Variants in MUSK observed in about 807,000 individuals in gnomAD.
MUSK encodes the protein muscle associated receptor tyrosine kinase.
In MUSK, 55 loss-of-function variants were observed where a neutral mutation model predicts 88.7. The ratio of observed to expected loss-of-function variants is 0.62; its 90% confidence interval spans 0.50 to 0.78. The LOEUF (loss-of-function observed/expected upper bound fraction) is 0.78, where lower values mean the gene tolerates loss of function less well. Among genes scored for constraint, MUSK ranks in the 30% least tolerant of loss-of-function variants. The pLI is 0.00. For synonymous variants in MUSK, 387 were observed against 391.9 expected (o/e 0.99, Z 0.15); for missense variants, 1,015 against 1,074.3 (o/e 0.94, Z 0.77).
chr9:110,776,762 G>T, intron 11 of MUSK, 107 bp downstream of exon 11: 1 of 957,324 alleles, frequency 1.0e-6, no homozygotes, highest in South Asian at 2.0e-5. Flanking sequence ...ATGTACAGCC[G>T]CTCTCAAAGT....
intron 1 of MUSK, among the ~76,000 whole-genome samples, chr9:110,675,323 G>A (rs2076011316): frequency 1.4e-5 from 2 of 144,024 alleles, no homozygotes; most frequent in Non-Finnish European, 3.0e-5. Context: ...CCTGGTTCAC[G>A]CCATTCTCCT....
At chr9:110,710,771 C>T (rs553128766) in intron 5 of MUSK, among the ~76,000 whole-genome samples, 1 of 152,098 alleles carries the variant, frequency 6.6e-6, no homozygotes, top group South Asian at 2.1e-4. Context: ...TGAAGGCGGC[C>T]TTCGTGTGTA....
At chr9:110,777,480 A>G (rs1383932892) in intron 11 of MUSK, among the ~76,000 whole-genome samples, 1 of 152,128 alleles carries the variant, frequency 6.6e-6, no homozygotes, top group African/African-American at 2.4e-5. Flanking sequence ...TGAATTACTC[A>G]GAGGTATTAA....
intron 11 of MUSK, among the ~76,000 whole-genome samples, chr9:110,781,488 G>A (rs903318108): frequency 6.6e-6 from 1 of 152,156 alleles, no homozygotes; most frequent in African/African-American, 2.4e-5. Context: ...GTGTTAGCCA[G>A]GATGGTCTCG....
intron 5 of MUSK, among the ~76,000 whole-genome samples, chr9:110,704,984 CAAA>C (rs35622904): frequency 2.7e-5 from 3 of 112,082 alleles, no homozygotes; most frequent in African/African-American, 3.4e-5. Context: ...GATTCCATCT[CAAA>C]AAAAAAAAAA....
In MUSK at chr9:110,790,866, C is replaced by T. The variant is rs140700042; in HGVS notation, c.1927+3028C>T. ...CTGGTCAGCATGGTTGTGTATTTAT[C>T]CAAATGCTGCCAGCTGGGCATAGAC... On this transcript the variant is annotated intron_variant, in intron 14 of 14. Coordinates refer to ENST00000374448, the MANE Select transcript of MUSK (RefSeq NM_005592.4). 3.9e-4 allele frequency among the ~76,000 whole-genome samples: 59 copies of T among 152,254 alleles called. 1 individual carries two copies. The East Asian group carries it at 0.011, about 29-fold the overall frequency.
rs557238288 is a variant in MUSK at position 110,802,225 on chromosome 9, A to T, written c.*1237A>T. 1.3e-3 allele frequency among the ~76,000 whole-genome samples: 199 copies of T among 148,452 alleles called. 1 individual carries two copies. Among genetic ancestry groups the T allele is most frequent in the South Asian group, 7.5e-3 (35 of 4,680 alleles). On this transcript the variant is annotated 3_prime_UTR_variant, in exon 15 of 15. Coordinates refer to ENST00000374448, the MANE Select transcript of MUSK (RefSeq NM_005592.4). Reference sequence around the variant, plus strand: ...CTGATTTTGTTGTATTTCATGATTTAAAAAAAAAAGCAGCAGCTCTGGAAC... The same window carrying T: ...CTGATTTTGTTGTATTTCATGATTTTAAAAAAAAAGCAGCAGCTCTGGAAC...
intron 5 of MUSK, among the ~76,000 whole-genome samples, chr9:110,702,671 G>A (rs2076546130): frequency 6.6e-6 from 1 of 152,014 alleles, no homozygotes; most frequent in Non-Finnish European, 1.5e-5. Context: ...CACATTGGGA[G>A]GCTGATGGCT....
chr9:110,753,250 G>A (rs1486278644), intron 7 of MUSK, among the ~76,000 whole-genome samples: 1 of 152,024 alleles, frequency 6.6e-6, no homozygotes, highest in African/African-American at 2.4e-5. Context: ...GGGCAACATG[G>A]TGAAACTCCA....
rs1193298915 is a variant in MUSK, at chr9:110,775,920, C to T, written c.1317C>T (p.Ser439=). The T allele has an allele frequency of 6.2e-7, 1 of 1,613,948 alleles. No homozygotes were observed. Among genetic ancestry groups the T allele is most frequent in the Non-Finnish European group, 8.5e-7 (1 of 1,179,830 alleles). The stretch of plus-strand genomic sequence containing the variant: ...TGCCAGAATGCAGCAAGCTTCCCAG[C>T]ATGCATTGGGACCCCACGGCCTGTG... The part of the protein sequence containing the change: ...LSVPECSKLP[S]MHWDPTACAR... The change falls in exon 10 of 15, where the codon AGC becomes AGT. Residue 439 remains serine (S), a synonymous_variant. Coordinates refer to ENST00000374448, the MANE Select transcript of MUSK (RefSeq NM_005592.4).
At chr9:110,675,510 C>T (rs1338443958) in intron 1 of MUSK, among the ~76,000 whole-genome samples, 4 of 150,296 alleles carry the variant, frequency 2.7e-5, no homozygotes, top group Non-Finnish European at 4.4e-5. Context: ...CGTGAGCCAC[C>T]GTGCCTGGCC....
At chr9:110,695,921 C>T (rs939947627) in intron 4 of MUSK, among the ~76,000 whole-genome samples, 11 of 151,648 alleles carry the variant, frequency 7.3e-5, no homozygotes, top group African/African-American at 2.2e-4. Flanking sequence ...AGACAAGGTT[C>T]GGAAGAAAAG....
chr9:110,755,941 TATATATATAC>T (rs2077308518), intron 7 of MUSK, among the ~76,000 whole-genome samples: 5 of 76,520 alleles, frequency 6.5e-5, no homozygotes, highest in African/African-American at 3.0e-4. Context: ...TACATATATA[TATATATATAC>T]ACATATATAT....
intron 7 of MUSK, among the ~76,000 whole-genome samples, chr9:110,754,950 T>C (rs2077292553): frequency 6.6e-6 from 1 of 152,236 alleles, no homozygotes; most frequent in Non-Finnish European, 1.5e-5. Context: ...ATTTATAATT[T>C]GTTGACATCA....
At chr9:110,686,096 G>A (rs536385175) in intron 2 of MUSK, among the ~76,000 whole-genome samples, 1 of 152,084 alleles carries the variant, frequency 6.6e-6, no homozygotes, top group Non-Finnish European at 1.5e-5. Flanking sequence ...TCAAAGTGTT[G>A]GCAGGGCTGA....
chr9:110,673,671 G>A (rs113876990), intron 1 of MUSK, among the ~76,000 whole-genome samples: 5,867 of 152,150 alleles, frequency 0.039, 368 homozygotes, highest in African/African-American at 0.13. Flanking sequence ...GACATCTCCA[G>A]TGTGTCACCT....
chr9:110,761,659 C>A (rs191329336), intron 7 of MUSK, among the ~76,000 whole-genome samples: 1 of 149,292 alleles, frequency 6.7e-6, no homozygotes, highest in African/African-American at 2.5e-5. Flanking sequence ...CTGCAGGCTC[C>A]GCCCCCCGGG....
At chr9:110,797,116 CA>C (rs770080330) in intron 14 of MUSK, among the ~76,000 whole-genome samples, 2 of 19,696 alleles carry the variant, frequency 1.0e-4, no homozygotes, top group Admixed American at 7.0e-4. Flanking sequence ...TAGAGTATAA[CA>C]AAAAAATAAA....
intron 3 of MUSK, among the ~76,000 whole-genome samples, chr9:110,688,836 T>C (rs1387037895): frequency 6.6e-6 from 1 of 151,604 alleles, no homozygotes; most frequent in Non-Finnish European, 1.5e-5. Context: ...GGTGTTTAGG[T>C]ACCACATTTT....
Sources: allele counts gnomAD v4.1 joint callset (sites outside exome capture counted in the v4.1 genomes callset), GRCh38; gene constraint gnomAD v4.1.1; transcripts MANE v1.5; gene names NCBI Gene and HGNC (gene_info 2026-07-23, HGNC 2026-07-21).